FRYL: variants seen among roughly 807,000 people sequenced by gnomAD.
FRYL encodes FRY like transcription coactivator.
A neutral mutation model predicts 351.2 loss-of-function variants in FRYL; 150 were observed. The ratio of observed to expected loss-of-function variants is 0.43; its 90% CI spans 0.37 to 0.49. FRYL has a LOEUF of 0.49. Ranked by LOEUF, FRYL falls within the 20% of genes least tolerant of loss-of-function variation. FRYL has a pLI of 0.00. For synonymous variants in FRYL, 1,153 were observed against 1,257.1 expected, an observed-to-expected ratio of 0.92 and a Z score of 1.75; for missense variants, 3,036 against 3,619.3, an observed-to-expected ratio of 0.84 and a Z score of 4.13.
chr4:48,632,112 A>ATGTATG lies in FRYL; in HGVS notation c.120+2178_120+2179insCATACA, dbSNP rs1560754003. The stretch of plus-strand genomic sequence containing the variant: ...AAAAAATATATATATATATATATAT[A>ATGTATG]TATATATATATATATATGCGCACAC... On this transcript the variant is annotated intron_variant, in intron 4 of 63. Transcript: ENST00000358350. Among the ~76,000 whole-genome samples the ATGTATG allele has an allele frequency of 4.3e-5, 2 of 46,174 alleles. 1 individual carries two copies. The highest frequency in any genetic ancestry group is 7.4e-4 in the Admixed American group (2 of 2,708). The allele number at this position is 46,174 out of a possible 152,430, so 30.3% of individuals were successfully genotyped here.
At chr4:48,773,942 A>C (rs1342672270) in intron 1 of FRYL, among the ~76,000 whole-genome samples, 2 of 152,198 alleles carry the variant, frequency 1.3e-5, no homozygotes, top group Non-Finnish European at 2.9e-5. Flanking sequence ...TACATAAATA[A>C]GTACCTTTCT....
At chr4:48,748,811 A>T (rs1220540152) in intron 1 of FRYL, among the ~76,000 whole-genome samples, 1 of 152,216 alleles carries the variant, frequency 6.6e-6, no homozygotes, top group Non-Finnish European at 1.5e-5. Context: ...TATCAGAAGA[A>T]AAAGTAGGTA....
At chr4:48,633,633 T>G (rs972722758) in intron 4 of FRYL, among the ~76,000 whole-genome samples, 2 of 152,212 alleles carry the variant, frequency 1.3e-5, no homozygotes, top group African/African-American at 4.8e-5. Context: ...TCTTTAACCC[T>G]TAACTTTCAT....
intron 30 of FRYL, among the ~76,000 whole-genome samples, 178 bp from the exon 31 acceptor site, chr4:48,564,280 T>G (rs1263703434): frequency 6.6e-6 from 1 of 152,238 alleles, no homozygotes; most frequent in Non-Finnish European, 1.5e-5. Context: ...ACCACACAGA[T>G]GAACTGAATT....
At chr4:48,778,618 A>C (rs1252972454) in intron 1 of FRYL, among the ~76,000 whole-genome samples, 1 of 152,242 alleles carries the variant, frequency 6.6e-6, no homozygotes, top group Non-Finnish European at 1.5e-5. Flanking sequence ...GGAATGTGCT[A>C]TCTCTGATTT....
intron 1 of FRYL, among the ~76,000 whole-genome samples, chr4:48,766,618 G>A (rs575188265): frequency 2.6e-5 from 4 of 152,142 alleles, no homozygotes; most frequent in Non-Finnish European, 5.9e-5. Context: ...AGGAGGAACC[G>A]AGAGCAGACT....
intron 3 of FRYL, among the ~76,000 whole-genome samples, chr4:48,642,020 A>G (rs1180899553): frequency 1.1e-4 from 17 of 152,132 alleles, no homozygotes; most frequent in Admixed American, 1.1e-3. Context: ...TATTTAATCA[A>G]TTCTCTTGGG....
At chr4:48,716,768 C>G (rs1768882726) in intron 1 of FRYL, among the ~76,000 whole-genome samples, 1 of 151,572 alleles carries the variant, frequency 6.6e-6, no homozygotes, top group Non-Finnish European at 1.5e-5. Context: ...CATACCATTA[C>G]TGGGTATATA....
intron 3 of FRYL, among the ~76,000 whole-genome samples, chr4:48,657,889 G>C (rs537977797): frequency 6.6e-6 from 1 of 152,276 alleles, no homozygotes; most frequent in African/African-American, 2.4e-5. Context: ...AAGTTCTCTT[G>C]CCCTCAACGA....
At chr4:48,502,568 C>T (rs1004800887) in intron 61 of FRYL, among the ~76,000 whole-genome samples, 2 of 149,964 alleles carry the variant, frequency 1.3e-5, no homozygotes, top group African/African-American at 2.5e-5. Flanking sequence ...AAAAGTTGTG[C>T]ACTTTGATTT....
chr4:48,579,708 T>C (rs1740454200), intron 22 of FRYL, among the ~76,000 whole-genome samples: 1 of 152,144 alleles, frequency 6.6e-6, no homozygotes, highest in Non-Finnish European at 1.5e-5. Context: ...GATAAACATT[T>C]ATGTTCAAAG....
intron 27 of FRYL, among the ~76,000 whole-genome samples, chr4:48,569,971 C>G (rs1038174163): frequency 3.3e-5 from 5 of 152,118 alleles, no homozygotes; most frequent in Admixed American, 1.3e-4. Flanking sequence ...TGCCACTATT[C>G]CTGGCTGATT....
intron 3 of FRYL, among the ~76,000 whole-genome samples, chr4:48,663,703 A>C (rs1761221217): frequency 7.6e-6 from 1 of 132,250 alleles, no homozygotes; most frequent in South Asian, 2.6e-4. Flanking sequence ...TGAACCCGGG[A>C]GGCGGAGCTT....
intron 1 of FRYL, among the ~76,000 whole-genome samples, chr4:48,733,994 T>C (rs777721791): frequency 6.6e-6 from 1 of 151,614 alleles, no homozygotes; most frequent in Non-Finnish European, 1.5e-5. Flanking sequence ...AAGACAAAAA[T>C]AGGAACAAAG....
rs1427157393 is a variant in FRYL, at chr4:48,549,361, A to AT, written c.4784+111dup. Reference sequence around the variant, plus strand: ...TAAACACATTGATCTGTGTTGCAGTATCTCCATAAAGAAGATTGCTTTCAT... The same window carrying AT: ...TAAACACATTGATCTGTGTTGCAGTATTCTCCATAAAGAAGATTGCTTTCAT... On this transcript the variant is annotated intron_variant, in intron 39 of 63. Transcript: ENST00000358350. This position sits in a 1 kb window ranked among gnomAD's most constrained non-coding sequence, Gnocchi z 4.2. The AT allele has an allele frequency of 1.2e-6, 1 of 835,114 alleles. No homozygotes were observed. Among genetic ancestry groups the AT allele is most frequent in the Non-Finnish European group, 1.8e-6 (1 of 558,782 alleles). 51.7% of individuals were successfully genotyped at this position (835,114 alleles called of 1,614,324 possible).
intron 2 of FRYL, among the ~76,000 whole-genome samples, chr4:48,687,685 T>C (rs1765290155): frequency 1.3e-5 from 2 of 152,182 alleles, no homozygotes; most frequent in Non-Finnish European, 2.9e-5. Flanking sequence ...TATGTGTCTC[T>C]GATATACATT....
chr4:48,651,289 C>CTGTG (rs59845967), intron 3 of FRYL, among the ~76,000 whole-genome samples: 966 of 62,404 alleles, frequency 0.015, 66 homozygotes, highest in African/African-American at 0.029. Context: ...CAGGATCTCA[C>CTGTG]TGTGTGTGTG....
intron 1 of FRYL, among the ~76,000 whole-genome samples, chr4:48,768,660 G>A (rs1254624694): frequency 1.5e-4 from 23 of 152,118 alleles, no homozygotes; most frequent in Non-Finnish European, 2.5e-4. Flanking sequence ...AAAATTAGCC[G>A]GGTGTGGTGG....
chr4:48,722,471 TAGCAACTACC>T lies in FRYL; in HGVS notation c.-383-11783_-383-11774del, dbSNP rs542142971. 4.3e-3 allele frequency among the ~76,000 whole-genome samples: 662 copies of T among 152,354 alleles called. 8 individuals carry two copies. The highest frequency in any genetic ancestry group is 0.014 in the African/African-American group (597 of 41,572). On this transcript the variant is annotated intron_variant, in intron 1 of 63. Transcript: ENST00000358350. ...TATATTTTTCCATAATTTATATTAA[TAGCAACTACC>T]TCTACAATTAGAGAAATCTGAAATG...
Sources: allele counts gnomAD v4.1 joint callset (sites outside exome capture counted in the v4.1 genomes callset), GRCh38; gene constraint gnomAD v4.1.1; non-coding constraint Gnocchi (gnomAD v3.1); transcripts MANE v1.5; gene names NCBI Gene and HGNC (gene_info 2026-07-23, HGNC 2026-07-21).